Variants in CBL observed in about 807,000 individuals in gnomAD.
CBL encodes the protein E3 ubiquitin-protein ligase CBL.
In CBL, 45 loss-of-function variants were observed where a neutral mutation model predicts 96.9. The ratio of observed to expected loss-of-function variants is 0.46; its 90% CI spans 0.37 to 0.60. The LOEUF (loss-of-function observed/expected upper bound fraction) is 0.60, where lower values mean the gene tolerates loss of function less well. CBL is among the 20% of genes least tolerant of loss of function. The probability of loss-of-function intolerance (pLI) is 0.00; values close to 1 mark genes in which losing one functional copy is unlikely to be tolerated. For synonymous variants in CBL, 420 were observed against 426.8 expected, an observed-to-expected ratio of 0.98 and a Z score of 0.20; for missense variants, 1,024 against 1,143.5, an observed-to-expected ratio of 0.90 and a Z score of 1.51.
intron 1 of CBL, among the ~76,000 whole-genome samples, chr11:119,220,152 G>T (rs1356796714): frequency 2.6e-5 from 4 of 151,856 alleles, no homozygotes; most frequent in African/African-American, 4.8e-5. Context: ...CACTGCACCC[G>T]GCCATGCCTG....
intron 2 of CBL, among the ~76,000 whole-genome samples, chr11:119,246,254 C>G (rs888884415): frequency 1.3e-5 from 2 of 150,578 alleles, no homozygotes; most frequent in Non-Finnish European, 3.0e-5. Flanking sequence ...ATTACAGGTG[C>G]GAACCACCGC....
chr11:119,287,975 A>C (rs745972889), intron 12 of CBL, 29 bp downstream of exon 12: 1 of 1,459,276 alleles, frequency 6.9e-7, no homozygotes, highest in African/African-American at 1.4e-5. Context: ...TATTTTGTAC[A>C]GTGGAGTTGT....
intron 2 of CBL, among the ~76,000 whole-genome samples, chr11:119,238,302 C>T (rs1185301717): frequency 2.0e-5 from 3 of 151,680 alleles, no homozygotes; most frequent in African/African-American, 4.8e-5. Flanking sequence ...CTCTGCCTCC[C>T]GGGTTCAAGC....
chr11:119,280,700 A>C (rs1949927149), intron 9 of CBL, among the ~76,000 whole-genome samples: 1 of 152,006 alleles, frequency 6.6e-6, no homozygotes, highest in Admixed American at 6.6e-5. Context: ...TCAGAGTTTT[A>C]ATTCTTGAAA....
chr11:119,236,935 T>G (rs996484603), intron 2 of CBL, among the ~76,000 whole-genome samples: 6 of 152,158 alleles, frequency 3.9e-5, no homozygotes, highest in Admixed American at 1.3e-4. Context: ...CAACCATGGT[T>G]TGAAAATATT....
Position 119,206,512 on chromosome 11 carries a change from C to A in CBL, c.95C>A (p.Ala32Asp). The change falls in exon 1 of 16, where the codon GCC (alanine) becomes GAC (aspartate). Residue 32 changes from alanine (A) to aspartate (D), a missense_variant. By Grantham distance (126) the Ala-to-Asp change is moderately radical. Coordinates refer to ENST00000264033, the MANE Select transcript of CBL (RefSeq NM_005188.4). ...SGGLIGLMKD[A>D]FQPHHHHHHH... is the part of the protein sequence containing the mutation. ...GGCCTGATTGGGCTCATGAAGGACG[C>A]CTTCCAGCCGCACCACCACCACCAC... 3 of 1,561,054 alleles carry A rather than the reference C, an allele frequency of 1.9e-6. No individual in the cohort carries two copies. Among genetic ancestry groups the A allele is most frequent in the Non-Finnish European group, 2.6e-6 (3 of 1,154,098 alleles).
intron 1 of CBL, among the ~76,000 whole-genome samples, chr11:119,213,448 ATCT>A (rs985959106): frequency 6.6e-6 from 1 of 152,150 alleles, no homozygotes; most frequent in African/African-American, 2.4e-5. Flanking sequence ...AAGTTTAAAC[ATCT>A]TTCTTCTGTG....
chr11:119,234,347 G>C (rs368142961), intron 2 of CBL, among the ~76,000 whole-genome samples: 1 of 152,110 alleles, frequency 6.6e-6, no homozygotes, highest in East Asian at 1.9e-4. Context: ...AATTCAATCC[G>C]TAAGAGCCTT....
At chr11:119,209,923 A>G (rs1949303506) in intron 1 of CBL, among the ~76,000 whole-genome samples, 1 of 152,240 alleles carries the variant, frequency 6.6e-6, no homozygotes, top group South Asian at 2.1e-4. Context: ...GCTTGTTATT[A>G]AACAAAAGTT....
At chr11:119,206,744 T>G (rs1592364833) in intron 1 of CBL, 132 bp downstream of exon 1, 3 of 519,384 alleles carry the variant, frequency 5.8e-6, no homozygotes, top group African/African-American at 2.8e-5. Flanking sequence ...GGAGCCGGGG[T>G]GACCGGCCGG....
At chr11:119,252,789 G>T (rs1235500556) in intron 2 of CBL, among the ~76,000 whole-genome samples, 2 of 151,498 alleles carry the variant, frequency 1.3e-5, no homozygotes, top group African/African-American at 4.9e-5. Flanking sequence ...CTGAGGGCAG[G>T]AGAATTGCTT....
At position 119,300,226 on chromosome 11, in the gene CBL, G is replaced by T; in HGVS notation, c.*445G>T. 2.2e-6 allele frequency: 1 copy of T among 460,970 alleles called. No individual in the cohort carries two copies. The highest frequency in any genetic ancestry group is 3.8e-6 in the Non-Finnish European group (1 of 263,592). 28.6% of individuals were successfully genotyped at this position (460,970 alleles called of 1,614,324 possible). A position where few individuals can be genotyped will look rare whatever the true frequency, so the allele number is the denominator to read the frequency against. On this transcript the variant is annotated 3_prime_UTR_variant, in exon 16 of 16. Coordinates refer to ENST00000264033, the MANE Select transcript of CBL (RefSeq NM_005188.4). ...GCTGTGTGTGTTAATTCCAGGCAGG[G>T]AATTAGCACAAAAGGTTTAGGAAGG...
At chr11:119,285,807 T>A (rs1359549392) in intron 11 of CBL, among the ~76,000 whole-genome samples, 1 of 150,570 alleles carries the variant, frequency 6.6e-6, no homozygotes, top group African/African-American at 2.4e-5. Context: ...GAGGTGGGAA[T>A]ATTGCTTGGG....
At chr11:119,268,673 A>C (rs1160923960) in intron 2 of CBL, among the ~76,000 whole-genome samples, 1 of 152,190 alleles carries the variant, frequency 6.6e-6, no homozygotes, top group Non-Finnish European at 1.5e-5. Context: ...AAAGAACTGA[A>C]AATAGCAGAG....
intron 9 of CBL, among the ~76,000 whole-genome samples, chr11:119,284,037 T>A (rs1360924537): frequency 6.6e-6 from 1 of 152,130 alleles, no homozygotes; most frequent in Non-Finnish European, 1.5e-5. Flanking sequence ...CTTAAAAAAA[T>A]TTTTAGTTAA....
rs1949878533 is a variant in CBL, at chr11:119,275,076, A to G, written c.869+123A>G. The G allele has an allele frequency of 9.5e-6, 9 of 949,982 alleles. No individual in the cohort carries two copies. The South Asian group carries it at 1.0e-4, about 11-fold the overall frequency. 58.8% of individuals were successfully genotyped at this position (949,982 alleles called of 1,614,324 possible). ...TAGCCAAGGTTCTGCAATAGGATTG[A>G]TACCTGTTTATCAGACGTATTGACT... On this transcript the variant is annotated intron_variant, in intron 5 of 15. Coordinates refer to ENST00000264033, the MANE Select transcript of CBL (RefSeq NM_005188.4).
intron 9 of CBL, among the ~76,000 whole-genome samples, chr11:119,283,997 A>T: frequency 6.6e-6 from 1 of 151,908 alleles, no homozygotes. Context: ...TTTTAGTGAT[A>T]TTCTTGATCA....
chr11:119,305,690 G>A lies in CBL; in HGVS notation c.*5909G>A. 8.9e-6 allele frequency: 2 copies of A among 225,110 alleles called. No individual in the cohort carries two copies. Among genetic ancestry groups the A allele is most frequent in the Non-Finnish European group, 1.8e-5 (2 of 113,208 alleles). The allele number at this position is 225,110 out of a possible 1,614,324, so 13.9% of individuals were successfully genotyped here. A position where few individuals can be genotyped will look rare whatever the true frequency, so the allele number is the denominator to read the frequency against. ...TAGAGTTTTTACCGAGAGCTCTTTA[G>A]ACAGTATACCTGTGTCTTCTCTGGC... On this transcript the variant is annotated 3_prime_UTR_variant, in exon 16 of 16. Transcript: ENST00000264033.
chr11:119,284,265 A>C (rs1949963324), intron 9 of CBL, among the ~76,000 whole-genome samples: 2 of 151,968 alleles, frequency 1.3e-5, no homozygotes, highest in African/African-American at 4.8e-5. Context: ...CTTTGTTAAG[A>C]GGTTAATATC....
Sources: allele counts gnomAD v4.1 joint callset (sites outside exome capture counted in the v4.1 genomes callset), GRCh38; gene constraint gnomAD v4.1.1; transcripts MANE v1.5; gene names NCBI Gene and HGNC (gene_info 2026-07-23, HGNC 2026-07-21).